PPFIA2: variants seen among roughly 807,000 people sequenced by gnomAD.
PPFIA2 encodes liprin-alpha-2.
PPFIA2 carries 46 observed loss-of-function variants against 175.5 expected under a neutral mutation model. That is an observed-to-expected ratio of 0.26 (90% confidence interval 0.21 to 0.34). PPFIA2 has a LOEUF of 0.34. Among genes scored for constraint, PPFIA2 ranks in the 10% least tolerant of loss-of-function variants. The pLI is 1.00. For synonymous variants in PPFIA2, 568 were observed against 511.4 expected, an observed-to-expected ratio of 1.11 and a Z score of -1.49; for missense variants, 1,179 against 1,506.1, an observed-to-expected ratio of 0.78 and a Z score of 3.60.
intron 21 of PPFIA2, among the ~76,000 whole-genome samples, chr12:81,330,174 C>G (rs1052752101): frequency 1.3e-5 from 2 of 152,080 alleles, no homozygotes; most frequent in Non-Finnish European, 2.9e-5. Flanking sequence ...GATTCTCATG[C>G]TCCTACGCAC....
intron 4 of PPFIA2, among the ~76,000 whole-genome samples, chr12:81,626,196 G>C (rs186040086): frequency 3.9e-4 from 59 of 151,504 alleles, no homozygotes; most frequent in Non-Finnish European, 2.1e-4. Context: ...ACTACGTAGA[G>C]GATTCATACT....
At chr12:81,445,859 A>C in intron 5 of PPFIA2, 139 bp from the exon 6 acceptor site, 1 of 700,484 alleles carries the variant, frequency 1.4e-6, no homozygotes, top group Non-Finnish European at 2.3e-6. Context: ...AGCAACAAAG[A>C]AGCACAGACC....
chr12:81,724,957 T>C (rs1455377795), intron 3 of PPFIA2, among the ~76,000 whole-genome samples: 2 of 151,016 alleles, frequency 1.3e-5, no homozygotes, highest in Non-Finnish European at 1.5e-5. Context: ...CAGTGTATAA[T>C]AGGTCCTTTT....
At chr12:81,358,994 A>G (rs1371647579) in intron 15 of PPFIA2, among the ~76,000 whole-genome samples, 3 of 152,082 alleles carry the variant, frequency 2.0e-5, no homozygotes, top group African/African-American at 7.2e-5. Flanking sequence ...CCCTATAATC[A>G]AAGTGCAGAA....
At chr12:81,641,164 T>A (rs921907711) in intron 4 of PPFIA2, among the ~76,000 whole-genome samples, 1 of 152,184 alleles carries the variant, frequency 6.6e-6, no homozygotes. Context: ...GTGTTAAATA[T>A]AGTCTGGAAT....
intron 5 of PPFIA2, among the ~76,000 whole-genome samples, chr12:81,456,319 T>G (rs1314024769): frequency 6.6e-6 from 1 of 152,208 alleles, no homozygotes. Context: ...TGTTATGCCC[T>G]GTTTGAGGCA....
intron 4 of PPFIA2, among the ~76,000 whole-genome samples, chr12:81,569,838 C>T (rs2153411474): frequency 6.7e-6 from 1 of 149,778 alleles, no homozygotes; most frequent in African/African-American, 2.4e-5. Context: ...GTTCCTTTTA[C>T]TGATTTTTTT....
At chr12:81,518,516 T>C (rs1235907910) in intron 4 of PPFIA2, among the ~76,000 whole-genome samples, 1 of 152,152 alleles carries the variant, frequency 6.6e-6, no homozygotes, top group African/African-American at 2.4e-5. Context: ...TCTTAGATAG[T>C]ACAACCCATC....
intron 4 of PPFIA2, among the ~76,000 whole-genome samples, chr12:81,564,372 C>A (rs557599340): frequency 1.3e-5 from 2 of 152,268 alleles, no homozygotes; most frequent in South Asian, 4.1e-4. Context: ...CACACAAATT[C>A]TCTGAAGCAT....
intron 8 of PPFIA2, among the ~76,000 whole-genome samples, chr12:81,404,409 T>C (rs2042567546): frequency 1.3e-5 from 2 of 152,180 alleles, no homozygotes; most frequent in South Asian, 2.1e-4. Flanking sequence ...ACTAATGACA[T>C]AATTAAAATG....
At chr12:81,633,410 C>T (rs2063617496) in intron 4 of PPFIA2, among the ~76,000 whole-genome samples, 1 of 151,782 alleles carries the variant, frequency 6.6e-6, no homozygotes, top group South Asian at 2.1e-4. Context: ...TTTCATTGTC[C>T]CCACCATTTA....
intron 3 of PPFIA2, among the ~76,000 whole-genome samples, chr12:81,749,124 T>TTCTA (rs1040211431): frequency 6.9e-6 from 1 of 144,464 alleles, no homozygotes; most frequent in African/African-American, 2.4e-5. Flanking sequence ...TTCAGCAAAG[T>TTCTA]TCTATCTGCA....
chr12:81,595,257 TTAAAC>T, intron 4 of PPFIA2, among the ~76,000 whole-genome samples: 1 of 149,404 alleles, frequency 6.7e-6, no homozygotes, highest in South Asian at 2.1e-4. Context: ...TATATATACT[TTAAAC>T]AAACATATAT....
At chr12:81,575,604 A>T in intron 4 of PPFIA2, among the ~76,000 whole-genome samples, 1 of 151,774 alleles carries the variant, frequency 6.6e-6, no homozygotes, top group East Asian at 1.9e-4. Context: ...TCCATTCAAA[A>T]AGAGAAAAAA....
At chr12:81,756,667 G>A (rs1288850090) in intron 2 of PPFIA2, among the ~76,000 whole-genome samples, 1 of 151,712 alleles carries the variant, frequency 6.6e-6, no homozygotes, top group East Asian at 1.9e-4. Context: ...AATAATCTAT[G>A]CTTAGAGGAA....
chr12:81,311,856 T>C (rs1390049363), intron 22 of PPFIA2, among the ~76,000 whole-genome samples: 1 of 152,004 alleles, frequency 6.6e-6, no homozygotes, highest in African/African-American at 2.4e-5. Context: ...GCTTGCCACA[T>C]TGACCCTTTA....
chr12:81,393,119 G>C (rs2040458583), intron 8 of PPFIA2, among the ~76,000 whole-genome samples: 1 of 151,944 alleles, frequency 6.6e-6, no homozygotes, highest in Non-Finnish European at 1.5e-5. Context: ...TTGCAGTTAA[G>C]TGAATATTCC....
At chr12:81,573,256 CAGT>C (rs2072899264) in intron 4 of PPFIA2, among the ~76,000 whole-genome samples, 1 of 152,010 alleles carries the variant, frequency 6.6e-6, no homozygotes, top group East Asian at 1.9e-4. Context: ...CCACACAAAA[CAGT>C]AGCATATCTT....
At chr12:81,348,280 C>T (rs891955480) in intron 17 of PPFIA2, among the ~76,000 whole-genome samples, 1 of 152,002 alleles carries the variant, frequency 6.6e-6, no homozygotes, top group Non-Finnish European at 1.5e-5. Flanking sequence ...TGATAGTATC[C>T]TCAGTAAATG....
Sources: gnomAD v4.1 joint callset for allele counts (sites outside exome capture counted in the v4.1 genomes callset) on GRCh38, gnomAD v4.1.1 for gene constraint, MANE v1.5 for transcripts, NCBI Gene and HGNC (gene_info 2026-07-23, HGNC 2026-07-21) for gene names.